The following GLI3 variants were observed in gnomAD, a reference collection of about 807,000 sequenced individuals.
GLI3 encodes the protein transcription activator GLI3.
Under a neutral mutation model 100.8 loss-of-function variants are expected in GLI3, and 20 were observed. That is an observed-to-expected ratio of 0.20 (90% CI 0.14 to 0.29). The LOEUF is 0.29. GLI3 is among the 10% of genes least tolerant of loss of function. GLI3 has a pLI of 1.00. For missense variants in GLI3, 2,040 were observed against 2,128.5 expected (o/e 0.96, Z 0.82); for synonymous variants, 938 against 860.5 (o/e 1.09, Z -1.58).
At chr7:42,082,049 A>T (rs1785006964) in intron 3 of GLI3, among the ~76,000 whole-genome samples, 1 of 152,026 alleles carries the variant, frequency 6.6e-6, no homozygotes, top group African/African-American at 2.4e-5. Context: ...AACTCATTCA[A>T]TCATCTGCCA....
chr7:42,018,434 G>A (rs1469782228), intron 10 of GLI3, among the ~76,000 whole-genome samples: 4 of 152,172 alleles, frequency 2.6e-5, no homozygotes, highest in Non-Finnish European at 5.9e-5. Context: ...GGTAAGGATA[G>A]ACAATGCAAC....
chr7:42,143,510 G>A (rs577735439), intron 3 of GLI3, among the ~76,000 whole-genome samples: 1 of 152,160 alleles, frequency 6.6e-6, no homozygotes. Context: ...CATTCACTCA[G>A]AAGATGTATT....
At position 41,966,486 on chromosome 7, in the gene GLI3, G is replaced by C; in HGVS notation, c.2587C>G (p.Arg863Gly). 1 of 1,612,956 alleles carries C rather than the reference G, an allele frequency of 6.2e-7. No individual in the cohort carries two copies. The highest frequency in any genetic ancestry group is 8.5e-7 in the Non-Finnish European group (1 of 1,179,770). Residue 863 changes from arginine (R) to glycine (G), a missense_variant, in exon 15 of 15, where the codon CGC becomes GGC. Arg to Gly is a moderately radical substitution (Grantham distance 125). This residue lies in a region of GLI3 where 327 missense variants were observed against 338.7 expected (regional missense o/e 0.97). Coordinates refer to ENST00000395925, the MANE Select transcript of GLI3 (RefSeq NM_000168.6). The surrounding 1 kb of genome is among the most constrained non-coding windows in gnomAD (Gnocchi z 5.8). ...AAGCAGGGCGAGATCCCTGAGGAGC[G>C]GCGGCTGCTCAGGTAGGCCGAGCTG... is the stretch of plus-strand genomic sequence containing the variant. The part of the protein sequence containing the change: ...TISSAYLSSR[R>G]SSGISPCFSS...
intron 7 of GLI3, among the ~76,000 whole-genome samples, chr7:42,033,159 G>A (rs183165257): frequency 6.6e-6 from 1 of 152,306 alleles, no homozygotes; most frequent in East Asian, 1.9e-4. Flanking sequence ...TGGCGTGAGT[G>A]GTAATCACAC....
chr7:42,230,678 T>C (rs1166970698), intron 1 of GLI3, among the ~76,000 whole-genome samples: 6 of 152,232 alleles, frequency 3.9e-5, no homozygotes, highest in Admixed American at 3.3e-4. Context: ...TGAGAAACAT[T>C]TGAGGGGAGT....
intron 4 of GLI3, among the ~76,000 whole-genome samples, chr7:42,072,994 G>A (rs574990430): frequency 1.3e-5 from 2 of 152,254 alleles, no homozygotes; most frequent in South Asian, 2.1e-4. Flanking sequence ...GAGGAAACGG[G>A]AAGATTCCTC....
intron 5 of GLI3, among the ~76,000 whole-genome samples, chr7:42,046,395 G>A (rs1390403706): frequency 6.6e-6 from 1 of 152,166 alleles, no homozygotes; most frequent in African/African-American, 2.4e-5. Context: ...TCTAGTGATA[G>A]GTTTGTGGGT....
intron 2 of GLI3, among the ~76,000 whole-genome samples, chr7:42,152,662 T>C (rs572335688): frequency 9.2e-5 from 14 of 152,272 alleles, no homozygotes; most frequent in Admixed American, 3.9e-4. Flanking sequence ...ACAATCAGCC[T>C]GAGAGAAGGA....
chr7:41,999,569 C>T (rs1238477346), intron 10 of GLI3, among the ~76,000 whole-genome samples: 3 of 152,096 alleles, frequency 2.0e-5, no homozygotes, highest in Non-Finnish European at 2.9e-5. Flanking sequence ...ACATCTCCAA[C>T]GCCCTGCATC....
rs989314749 is a variant in GLI3 at position 42,035,805 on chromosome 7, G to A, written c.1028+4233C>T. Among the ~76,000 whole-genome samples the A allele has an allele frequency of 1.1e-4, 17 of 152,264 alleles. No individual in the cohort carries two copies. The South Asian group carries it at 1.5e-3, about 13-fold the overall frequency. On this transcript the variant is annotated intron_variant, in intron 7 of 14. Coordinates refer to ENST00000395925, the MANE Select transcript of GLI3 (RefSeq NM_000168.6). ...CTGTGATTCACTGGCTATTTACAACGTTAGCCTTAACTATGTAGAGTGGGG... is the reference window on the plus strand; with the variant it reads ...CTGTGATTCACTGGCTATTTACAACATTAGCCTTAACTATGTAGAGTGGGG...
intron 2 of GLI3, among the ~76,000 whole-genome samples, chr7:42,220,156 CTG>C (rs1788458388): frequency 1.3e-5 from 2 of 152,142 alleles, no homozygotes; most frequent in South Asian, 4.1e-4. Flanking sequence ...CTGGCCGAAA[CTG>C]AACTCATTTT....
chr7:42,132,257 C>T (rs922446532), intron 3 of GLI3, among the ~76,000 whole-genome samples: 17 of 151,476 alleles, frequency 1.1e-4, no homozygotes, highest in Middle Eastern at 3.4e-3. Context: ...CCCGCCACTA[C>T]GCCCGGCTAA....
chr7:42,172,533 T>C, intron 2 of GLI3: 1 of 702,662 alleles, frequency 1.4e-6, no homozygotes, highest in East Asian at 2.7e-5. Flanking sequence ...GGTAAATGTA[T>C]GGGTTTGTAC....
At chr7:42,258,089 A>G (rs899191445) in intron 1 of GLI3, among the ~76,000 whole-genome samples, 1 of 152,172 alleles carries the variant, frequency 6.6e-6, no homozygotes, top group African/African-American at 2.4e-5. Flanking sequence ...TATATATACT[A>G]TGTATAACCC....
intron 4 of GLI3, among the ~76,000 whole-genome samples, chr7:42,066,006 G>A (rs563881651): frequency 9.2e-5 from 14 of 152,268 alleles, no homozygotes; most frequent in Non-Finnish European, 2.1e-4. Context: ...GACCCACAGC[G>A]GATCGAAGCC....
At chr7:42,200,366 AG>A (rs979879285) in intron 2 of GLI3, among the ~76,000 whole-genome samples, 1 of 152,198 alleles carries the variant, frequency 6.6e-6, no homozygotes, top group African/African-American at 2.4e-5. Flanking sequence ...GACAGGAAAA[AG>A]GTAAAAGGAA....
intron 2 of GLI3, among the ~76,000 whole-genome samples, chr7:42,170,000 G>A (rs1787331695): frequency 6.6e-6 from 1 of 151,672 alleles, no homozygotes; most frequent in Non-Finnish European, 1.5e-5. Flanking sequence ...GCTCACGCCT[G>A]TAATCACAGT....
intron 3 of GLI3, among the ~76,000 whole-genome samples, chr7:42,128,016 CTCA>C (rs1786177114): frequency 1.4e-5 from 1 of 69,038 alleles, no homozygotes; most frequent in African/African-American, 5.0e-5. Flanking sequence ...AAGACCCTGA[CTCA>C]AAAAAAAAAA....
At chr7:42,023,412 T>G in intron 10 of GLI3, 56 bp downstream of exon 10, 1 of 1,592,064 alleles carries the variant, frequency 6.3e-7, no homozygotes, top group Non-Finnish European at 8.6e-7. Context: ...GAGGCTGACC[T>G]CCCTGGAAAG....
Sources: allele counts gnomAD v4.1 joint callset (sites outside exome capture counted in the v4.1 genomes callset), GRCh38; gene constraint gnomAD v4.1.1; regional missense constraint gnomAD v4.1.1; non-coding constraint Gnocchi (gnomAD v3.1); transcripts MANE v1.5; gene names NCBI Gene and HGNC (gene_info 2026-07-23, HGNC 2026-07-21).